The following SCLT1 variants were observed in gnomAD, a reference collection of about 807,000 sequenced individuals.
SCLT1 encodes sodium channel-associated protein 1.
In SCLT1, 78 loss-of-function variants were observed where a neutral mutation model predicts 112.8. The observed-to-expected ratio is 0.69, with a 90% CI of 0.58 to 0.83. SCLT1 has a LOEUF of 0.83. Among genes scored for constraint, SCLT1 ranks in the 40% least tolerant of loss-of-function variants. The probability of loss-of-function intolerance (pLI) is 0.00; values close to 1 mark genes in which losing one functional copy is unlikely to be tolerated. For missense variants in SCLT1, 747 were observed against 770.4 expected (o/e 0.97, Z 0.36); for synonymous variants, 257 against 254.7 (o/e 1.01, Z -0.09).
intron 18 of SCLT1, among the ~76,000 whole-genome samples, chr4:128,922,832 T>C (rs1735984659): frequency 6.6e-6 from 1 of 151,844 alleles, no homozygotes; most frequent in Non-Finnish European, 1.5e-5. Flanking sequence ...CTTGAGAATA[T>C]ACAACAGCAA....
chr4:129,079,340 A>G (rs1342824128), intron 2 of SCLT1, among the ~76,000 whole-genome samples: 1 of 152,218 alleles, frequency 6.6e-6, no homozygotes, highest in Admixed American at 6.5e-5. Flanking sequence ...ATAAAAAACA[A>G]GTTAGTTACT....
chr4:128,968,562 T>C (rs1167736347), intron 10 of SCLT1, among the ~76,000 whole-genome samples: 1 of 152,194 alleles, frequency 6.6e-6, no homozygotes, highest in Non-Finnish European at 1.5e-5. Context: ...GATCGATCCA[T>C]TTAAAGTCAG....
At chr4:129,067,528 T>C (rs977107568) in intron 2 of SCLT1, among the ~76,000 whole-genome samples, 3 of 152,206 alleles carry the variant, frequency 2.0e-5, no homozygotes, top group South Asian at 4.1e-4. Context: ...ATTTGTTTTT[T>C]GAGATAGAGT....
At chr4:129,053,729 A>T (rs1749077734) in intron 2 of SCLT1, among the ~76,000 whole-genome samples, 1 of 151,840 alleles carries the variant, frequency 6.6e-6, no homozygotes, top group South Asian at 2.1e-4. Flanking sequence ...TGTGTCTTTT[A>T]ATTGGGGCAT....
At chr4:128,887,625 T>A (rs1732984265) in intron 20 of SCLT1, among the ~76,000 whole-genome samples, 4 of 152,212 alleles carry the variant, frequency 2.6e-5, no homozygotes, top group Admixed American at 2.0e-4. Context: ...TAGTCTATAA[T>A]CACTGAACTG....
At chr4:129,018,688 A>C (rs1745196062) in intron 5 of SCLT1, among the ~76,000 whole-genome samples, 1 of 152,216 alleles carries the variant, frequency 6.6e-6, no homozygotes, top group South Asian at 2.1e-4. Context: ...AGACCTTGGC[A>C]TTATACCAAA....
At chr4:128,925,521 A>G (rs974555479) in intron 18 of SCLT1, among the ~76,000 whole-genome samples, 1 of 151,960 alleles carries the variant, frequency 6.6e-6, no homozygotes, top group Non-Finnish European at 1.5e-5. Context: ...ATGGGGTTTC[A>G]CCATGTTGGC....
At position 129,093,220 on chromosome 4, in the gene SCLT1, A is replaced by C. The variant is rs1330385505; in HGVS notation, c.-117T>G. On this transcript the variant is annotated 5_prime_UTR_variant, in exon 1 of 21. Coordinates refer to ENST00000281142, the MANE Select transcript of SCLT1 (RefSeq NM_144643.4). The stretch of plus-strand genomic sequence containing the variant: ...CGCTCGGTTGGTTGTCAAGCGCTCC[A>C]GCGGTGCAATCTGCATCCTACTCAC... The C allele has an allele frequency of 2.9e-5, 27 of 927,672 alleles. No homozygotes were observed. Among genetic ancestry groups the C allele is most frequent in the Non-Finnish European group, 4.6e-5 (26 of 565,832 alleles). The allele number at this position is 927,672 out of a possible 1,614,324, so 57.5% of individuals were successfully genotyped here.
chr4:128,936,172 CAT>C (rs1202957385), intron 18 of SCLT1, among the ~76,000 whole-genome samples: 1 of 150,886 alleles, frequency 6.6e-6, no homozygotes, highest in African/African-American at 2.4e-5. Flanking sequence ...TATAGTAAAT[CAT>C]ATGGTGATAT....
chr4:129,040,835 G>A (rs1747633476), intron 4 of SCLT1, among the ~76,000 whole-genome samples: 1 of 151,968 alleles, frequency 6.6e-6, no homozygotes, highest in South Asian at 2.1e-4. Context: ...ACCATTCTTA[G>A]CTGTCAACAT....
chr4:129,000,995 G>C (rs1374383173), intron 6 of SCLT1, among the ~76,000 whole-genome samples: 4 of 151,732 alleles, frequency 2.6e-5, no homozygotes, highest in Non-Finnish European at 5.9e-5. Context: ...TTTAAAAGCG[G>C]TTTTAAAATT....
At chr4:129,027,528 A>C (rs977434216) in intron 5 of SCLT1, among the ~76,000 whole-genome samples, 1 of 152,210 alleles carries the variant, frequency 6.6e-6, no homozygotes, top group African/African-American at 2.4e-5. Flanking sequence ...GACGTATCTC[A>C]AAATAATAAG....
chr4:129,032,639 A>G (rs1179212697), intron 5 of SCLT1, among the ~76,000 whole-genome samples: 2 of 152,132 alleles, frequency 1.3e-5, no homozygotes, highest in Non-Finnish European at 2.9e-5. Context: ...AAACAAATTT[A>G]CAAGAAAAAA....
At chr4:128,992,258 A>G (rs1255621132) in intron 8 of SCLT1, 21 bp from the exon 9 acceptor site, 1 of 1,477,458 alleles carries the variant, frequency 6.8e-7, no homozygotes, top group Non-Finnish European at 9.4e-7. Context: ...AAAAAAAAAG[A>G]ATCAGTATTA....
At position 129,027,748 on chromosome 4, in the gene SCLT1, C is replaced by A. The variant is rs547153148; in HGVS notation, c.290+11293G>T. Among the ~76,000 whole-genome samples, 771 of 152,168 alleles carry A rather than the reference C, an allele frequency of 5.1e-3. 4 individuals carry two copies. The highest frequency in any genetic ancestry group is 0.016 in the African/African-American group (646 of 41,442). Reference sequence around the variant, plus strand: ...GAGGCAGTCAAATTGTCCCTGTTTGCAGATGACATGATTGTATATCTAGAA... The same window carrying A: ...GAGGCAGTCAAATTGTCCCTGTTTGAAGATGACATGATTGTATATCTAGAA... On this transcript the variant is annotated intron_variant, in intron 5 of 20. Transcript: ENST00000281142.
intron 18 of SCLT1, among the ~76,000 whole-genome samples, chr4:128,901,039 G>T (rs965918966): frequency 6.6e-6 from 1 of 152,176 alleles, no homozygotes; most frequent in Non-Finnish European, 1.5e-5. Flanking sequence ...TGCTGGAGAG[G>T]ATGTGGAGAA....
chr4:128,990,065 A>C (rs1318595803), intron 9 of SCLT1, among the ~76,000 whole-genome samples: 2 of 151,826 alleles, frequency 1.3e-5, no homozygotes, highest in Non-Finnish European at 3.0e-5. Context: ...CTATTCCAAA[A>C]AATTGTGAAA....
chr4:129,048,659 T>C (rs1400861647), intron 2 of SCLT1, among the ~76,000 whole-genome samples: 7 of 152,100 alleles, frequency 4.6e-5, no homozygotes, highest in Non-Finnish European at 8.8e-5. Flanking sequence ...AGCTTCTGCA[T>C]AGCAAAAGAA....
intron 2 of SCLT1, among the ~76,000 whole-genome samples, chr4:129,079,257 A>G (rs1424066613): frequency 6.6e-6 from 1 of 152,200 alleles, no homozygotes; most frequent in Non-Finnish European, 1.5e-5. Context: ...TCATTTCAGC[A>G]TTAACTCAAA....
Sources: allele counts gnomAD v4.1 joint callset (sites outside exome capture counted in the v4.1 genomes callset), GRCh38; gene constraint gnomAD v4.1.1; transcripts MANE v1.5; gene names NCBI Gene and HGNC (gene_info 2026-07-23, HGNC 2026-07-21).